MIDEAS: variants seen among roughly 807,000 people sequenced by gnomAD.
MIDEAS encodes the protein mitotic deacetylase-associated SANT domain protein.
A neutral mutation model predicts 102.7 loss-of-function variants in MIDEAS; 26 were observed. The ratio of observed to expected loss-of-function variants is 0.25; its 90% CI spans 0.19 to 0.35. The LOEUF is 0.35. MIDEAS is among the 10% of genes least tolerant of loss of function. MIDEAS has a pLI of 1.00. For missense variants in MIDEAS, 1,231 were observed against 1,435.6 expected (o/e 0.86, Z 2.30); for synonymous variants, 585 against 591.0 (o/e 0.99, Z 0.15).
At chr14:73,780,776 G>A (rs1486683878) in intron 1 of MIDEAS, among the ~76,000 whole-genome samples, 8 of 152,182 alleles carry the variant, frequency 5.3e-5, no homozygotes, top group African/African-American at 1.9e-4. Context: ...AAAACAGTAA[G>A]TAATCTTGTT....
Position 73,739,413 on chromosome 14 carries a change from T to A in MIDEAS, c.596A>T (p.Asn199Ile), listed in dbSNP as rs371001327. The change falls in exon 2 of 13, where the codon AAT becomes ATT. Residue 199 changes from asparagine (N) to isoleucine (I), a missense_variant. Coordinates refer to ENST00000423556, the MANE Select transcript of MIDEAS (RefSeq NM_001367710.1). ...LEVGRPQAPL[N>I]SFHAAKKPPN... ...GGGTTTCTTGGCTGCGTGGAAAGAA[T>A]TCAGGGGTGCCTGGGGCCGCCCTAC... is the stretch of plus-strand genomic sequence containing the variant. 6.3e-7 allele frequency: 1 copy of A among 1,582,402 alleles called. No homozygotes were observed. Among genetic ancestry groups the A allele is most frequent in the African/African-American group, 1.3e-5 (1 of 74,382 alleles).
chr14:73,728,459 T>TG (rs1016330385), intron 4 of MIDEAS: 8 of 152,846 alleles, frequency 5.2e-5, no homozygotes, highest in African/African-American at 1.9e-4. Context: ...TACAGGCCTT[T>TG]GCACCAGTCA....
Position 73,781,231 on chromosome 14 carries a change from A to T in MIDEAS, c.-248+5871T>A, listed in dbSNP as rs577274250. On this transcript the variant is annotated intron_variant, in intron 1 of 11. Coordinates refer to the MIDEAS transcript ENST00000394071. ...CAAGCTTTAAATCCTTAACCATGGGATTATCGGAGATGCTGTTACTACAGT... is the reference window on the plus strand; with the variant it reads ...CAAGCTTTAAATCCTTAACCATGGGTTTATCGGAGATGCTGTTACTACAGT... 7.9e-4 allele frequency among the ~76,000 whole-genome samples: 121 copies of T among 152,292 alleles called. 5 individuals carry two copies. The South Asian group carries it at 0.024, about 31-fold the overall frequency.
intron 1 of MIDEAS, among the ~76,000 whole-genome samples, chr14:73,785,150 T>C (rs1158281797): frequency 6.6e-6 from 1 of 152,238 alleles, no homozygotes; most frequent in Non-Finnish European, 1.5e-5. Flanking sequence ...ATGAGCGTCT[T>C]CTGCCTAGGA....
At chr14:73,726,300 C>T (rs991490068) in intron 7 of MIDEAS, among the ~76,000 whole-genome samples, 192 bp from the exon 8 acceptor site, 1 of 152,134 alleles carries the variant, frequency 6.6e-6, no homozygotes, top group African/African-American at 2.4e-5. Flanking sequence ...GACCTCAGGT[C>T]CTCTTAAGAG....
chr14:73,784,509 T>C (rs115654280), intron 1 of MIDEAS, among the ~76,000 whole-genome samples: 2,677 of 152,316 alleles, frequency 0.018, 88 homozygotes, highest in African/African-American at 0.061. Context: ...AGCTACACTC[T>C]GGAGGGCTTT....
rs114609906 is a variant in MIDEAS at position 73,735,316 on chromosome 14, T to C, written c.1749+1682A>G. 5.1e-3 allele frequency among the ~76,000 whole-genome samples: 784 copies of C among 152,366 alleles called. 3 individuals are homozygous for C. The highest frequency in any genetic ancestry group is 0.018 in the African/African-American group (763 of 41,588). On this transcript the variant is annotated intron_variant, in intron 3 of 12. Transcript: ENST00000423556. ...GGGTATGTTAATTAGCTTGATTATA[T>C]CAAAGCATCATGTTGTATGCCATAA...
chr14:73,736,394 G>A (rs1024716262), intron 3 of MIDEAS, among the ~76,000 whole-genome samples: 1 of 152,064 alleles, frequency 6.6e-6, no homozygotes, highest in Non-Finnish European at 1.5e-5. Flanking sequence ...AACTCTAGGA[G>A]GCTGAGGTGG....
intron 1 of MIDEAS, among the ~76,000 whole-genome samples, chr14:73,743,313 A>G (rs2053306134): frequency 6.6e-6 from 1 of 152,166 alleles, no homozygotes; most frequent in East Asian, 1.9e-4. Context: ...CCCCAAATAC[A>G]GCTGAGACCC....
intron 11 of MIDEAS, among the ~76,000 whole-genome samples, chr14:73,720,468 G>A (rs946916052): frequency 2.0e-5 from 3 of 151,856 alleles, no homozygotes; most frequent in Admixed American, 6.6e-5. Context: ...GGCTGGTCTC[G>A]ACTCCTGACC....
rs1378337542 is a variant in MIDEAS, at chr14:73,739,162, G to C, written c.847C>G (p.Gln283Glu). ...TGCAGGCCAAAGTCCTGGGGTTGCT[G>C]CGAGGGTTGCTGCGGCATGGAATAG... ...NFYSMPQQPS[Q>E]QPQDFGLQPA... The change falls in exon 2 of 13, where the codon CAG (glutamine) becomes GAG (glutamate). Residue 283 changes from glutamine (Q) to glutamate (E), a missense_variant. Physicochemically the swap from Gln to Glu is conservative, Grantham distance 29. Around this residue, in one of 5 missense-constraint regions of MIDEAS, gnomAD observed 758 missense variants for 856.0 expected, o/e 0.89. Coordinates refer to ENST00000423556, the MANE Select transcript of MIDEAS (RefSeq NM_001367710.1). 1.3e-5 allele frequency: 21 copies of C among 1,613,812 alleles called. No individual in the cohort carries two copies. Among genetic ancestry groups the C allele is most frequent in the Non-Finnish European group, 1.8e-5 (21 of 1,179,922 alleles).
At chr14:73,733,171 T>C (rs547711916) in intron 3 of MIDEAS, among the ~76,000 whole-genome samples, 1 of 152,292 alleles carries the variant, frequency 6.6e-6, no homozygotes, top group East Asian at 1.9e-4. Flanking sequence ...CCCCAGGCTT[T>C]GGATTGGGAC....
chr14:73,726,181 G>T, intron 7 of MIDEAS, 73 bp from the exon 8 acceptor site: 1 of 1,242,216 alleles, frequency 8.1e-7, no homozygotes, highest in Non-Finnish European at 1.2e-6. Context: ...TCTAGGCCCT[G>T]ATAAAATCCC....
rs76904137 is a variant in MIDEAS at position 73,749,508 on chromosome 14, C to T, written c.-247-9253G>A. On this transcript the variant is annotated intron_variant, in intron 1 of 12. Coordinates refer to ENST00000423556, the MANE Select transcript of MIDEAS (RefSeq NM_001367710.1). ...CCGTGTTCATGCCTCTGCAATCCAG[C>T]GTGCATGAAAGACCAAGATCCAGTC... 5.1e-3 allele frequency among the ~76,000 whole-genome samples: 768 copies of T among 150,518 alleles called. 13 individuals carry two copies. The highest frequency in any genetic ancestry group is 0.018 in the African/African-American group (727 of 41,108).
chr14:73,776,180 G>T (rs1217060919), intron 1 of MIDEAS, among the ~76,000 whole-genome samples: 1 of 152,000 alleles, frequency 6.6e-6, no homozygotes, highest in African/African-American at 2.4e-5. Flanking sequence ...CTCTGTCCTC[G>T]AAAGGCAGCA....
intron 4 of MIDEAS, chr14:73,727,783 T>C (rs2053084195): frequency 2.2e-6 from 1 of 452,428 alleles, no homozygotes; most frequent in African/African-American, 2.1e-5. Context: ...ATGTGAGAAC[T>C]GGATAAAATA....
Position 73,739,139 on chromosome 14 carries a change from C to T in MIDEAS, c.870G>A (p.Leu290=). Residue 290 remains leucine, a synonymous_variant, in exon 2 of 13, where the codon CTG becomes CTA. Transcript: ENST00000423556. ...QPSQQPQDFG[L]QPAGPLGQSH... The stretch of plus-strand genomic sequence containing the variant: ...ACTGTCCCAGTGGCCCAGCTGGCTG[C>T]AGGCCAAAGTCCTGGGGTTGCTGCG... 7 of 1,612,624 alleles carry T rather than the reference C, an allele frequency of 4.3e-6. No individual in the cohort carries two copies. The highest frequency in any genetic ancestry group is 5.9e-6 in the Non-Finnish European group (7 of 1,179,114).
chr14:73,739,329 C>T lies in MIDEAS; in HGVS notation c.680G>A (p.Arg227Gln), dbSNP rs546348809. Residue 227 changes from arginine (R) to glutamine (Q), a missense_variant, in exon 2 of 13, where the codon CGG (arginine) becomes CAG (glutamine). Physicochemically the swap from Arg to Gln is conservative, Grantham distance 43. This residue lies in a region of MIDEAS where 758 missense variants were observed against 856.0 expected (regional missense o/e 0.89). Coordinates refer to ENST00000423556, the MANE Select transcript of MIDEAS (RefSeq NM_001367710.1). ...FQLAFGHQVN[R>Q]QVFRQGPPPP... Reference sequence around the variant, plus strand: ...CGGTGGGCCCTGCCGGAAGACCTGCCGGTTCACCTGGTGGCCGAATGCCAG... The same window carrying T: ...CGGTGGGCCCTGCCGGAAGACCTGCTGGTTCACCTGGTGGCCGAATGCCAG... 116 of 1,607,872 alleles carry T rather than the reference C, an allele frequency of 7.2e-5. No individual in the cohort carries two copies. Among genetic ancestry groups the T allele is most frequent in the Non-Finnish European group, 9.4e-5 (111 of 1,176,638 alleles).
chr14:73,732,737 G>C (rs9989225), intron 3 of MIDEAS, among the ~76,000 whole-genome samples: 14,066 of 131,080 alleles, frequency 0.11, 929 homozygotes, highest in Middle Eastern at 0.24. Flanking sequence ...AGTGAGTGGA[G>C]AACATGCCAC....
Sources: allele counts gnomAD v4.1 joint callset (sites outside exome capture counted in the v4.1 genomes callset), GRCh38; gene constraint gnomAD v4.1.1; regional missense constraint gnomAD v4.1.1; transcripts MANE v1.5; gene names NCBI Gene and HGNC (gene_info 2026-07-23, HGNC 2026-07-21).